KMT2E: variants seen among roughly 807,000 people sequenced by gnomAD.
The protein encoded by KMT2E is histone reader KMT2E.
KMT2E carries 30 observed loss-of-function variants against 184.6 expected under a neutral mutation model. The observed-to-expected ratio is 0.16, with a 90% confidence interval of 0.12 to 0.22. The LOEUF (loss-of-function observed/expected upper bound fraction) is 0.22, where lower values mean the gene tolerates loss of function less well. Among genes scored for constraint, KMT2E ranks in the 10% least tolerant of loss-of-function variants. The probability of loss-of-function intolerance (pLI) is 1.00; values close to 1 mark genes in which losing one functional copy is unlikely to be tolerated. For missense variants in KMT2E, 2,023 were observed against 2,237.4 expected, an observed-to-expected ratio of 0.90 and a Z score of 1.93; for synonymous variants, 815 against 776.5, an observed-to-expected ratio of 1.05 and a Z score of -0.82.
intron 3 of KMT2E, among the ~76,000 whole-genome samples, chr7:105,048,143 C>T (rs188203443): frequency 3.3e-5 from 5 of 152,230 alleles, no homozygotes; most frequent in African/African-American, 7.2e-5. Context: ...CCCAAGCAGT[C>T]GTCCTATCAC....
intron 11 of KMT2E, among the ~76,000 whole-genome samples, 158 bp from the exon 12 acceptor site, chr7:105,078,688 T>G (rs1797631986): frequency 1.7e-5 from 2 of 116,358 alleles, no homozygotes; most frequent in Non-Finnish European, 1.8e-5. Flanking sequence ...TTTTTTTTTT[T>G]GTAAATACGG....
intron 17 of KMT2E, chr7:105,102,706 C>G (rs1421777029): frequency 6.5e-6 from 1 of 153,920 alleles, no homozygotes; most frequent in East Asian, 1.9e-4. Context: ...TCAGAAATAA[C>G]AGAACATCCT....
At chr7:105,030,557 C>G (rs1251187296) in intron 1 of KMT2E, among the ~76,000 whole-genome samples, 1 of 152,118 alleles carries the variant, frequency 6.6e-6, no homozygotes, top group South Asian at 2.1e-4. Flanking sequence ...TTGAATAGGT[C>G]AAAGTTATGA....
At chr7:105,034,490 C>T (rs1442518254) in intron 1 of KMT2E, among the ~76,000 whole-genome samples, 1 of 152,218 alleles carries the variant, frequency 6.6e-6, no homozygotes, top group East Asian at 1.9e-4. Context: ...CCTCAGCCTC[C>T]CAAAGTGCTG....
At chr7:105,053,621 C>CAGTGGCT (rs1382422279) in intron 3 of KMT2E, among the ~76,000 whole-genome samples, 20 of 151,922 alleles carry the variant, frequency 1.3e-4, no homozygotes, top group African/African-American at 4.8e-4. Flanking sequence ...GCCTGTAATC[C>CAGTGGCT]CATCACTTTG....
intron 17 of KMT2E, 85 bp from the exon 18 acceptor site, chr7:105,105,354 C>A: frequency 2.1e-6 from 2 of 975,012 alleles, no homozygotes; most frequent in Non-Finnish European, 3.0e-6. Flanking sequence ...TTAGATAATA[C>A]ACCAATTTCA....
Position 105,111,703 on chromosome 7 carries a change from A to C in KMT2E, c.4069-122A>C, listed in dbSNP as rs185380022. Reference sequence around the variant, plus strand: ...CCAAGCCTCCATAATTGACGTATCCAGGATGTTATTTCCTGCCCCCCATTA... The same window carrying C: ...CCAAGCCTCCATAATTGACGTATCCCGGATGTTATTTCCTGCCCCCCATTA... On this transcript the variant is annotated intron_variant, in intron 26 of 26. Coordinates refer to ENST00000311117, the MANE Select transcript of KMT2E (RefSeq NM_182931.3). 666 of 1,152,428 alleles carry C rather than the reference A, an allele frequency of 5.8e-4. 4 individuals are homozygous for C. The highest frequency in any genetic ancestry group is 3.6e-4 in the East Asian group (14 of 39,010). 71.4% of individuals were successfully genotyped at this position (1,152,428 alleles called of 1,614,324 possible).
At chr7:105,088,788 G>A (rs1297869971) in intron 13 of KMT2E, among the ~76,000 whole-genome samples, 1 of 152,130 alleles carries the variant, frequency 6.6e-6, no homozygotes. Context: ...TGTAAAATGG[G>A]GGCAATATCC....
At chr7:105,109,625 G>C (rs1799096833) in intron 23 of KMT2E, among the ~76,000 whole-genome samples, 2 of 152,088 alleles carry the variant, frequency 1.3e-5, no homozygotes, top group Admixed American at 6.5e-5. Context: ...TTTGCTCCTT[G>C]GTCCCCTTTC....
chr7:105,076,831 C>G (rs1263425392), intron 9 of KMT2E, 132 bp from the exon 10 acceptor site: 10 of 674,256 alleles, frequency 1.5e-5, no homozygotes, highest in Non-Finnish European at 2.3e-5. Context: ...ACAGCAGTTT[C>G]TAGTTTATAT....
chr7:105,038,687 T>C (rs1301251514), intron 2 of KMT2E, among the ~76,000 whole-genome samples: 1 of 152,150 alleles, frequency 6.6e-6, no homozygotes, highest in Non-Finnish European at 1.5e-5. Flanking sequence ...TTAAACTCAC[T>C]GTGTTAAAGG....
chr7:105,015,971 T>TA (rs903608623), intron 1 of KMT2E, among the ~76,000 whole-genome samples: 10 of 151,500 alleles, frequency 6.6e-5, no homozygotes, highest in African/African-American at 1.9e-4. Flanking sequence ...GCTTCAACAT[T>TA]AAAAAAAAAT....
chr7:105,015,045 TGG>T (rs1028298238), intron 1 of KMT2E, among the ~76,000 whole-genome samples: 1 of 152,044 alleles, frequency 6.6e-6, no homozygotes, highest in African/African-American at 2.4e-5. Context: ...AAGAACGCCC[TGG>T]GCATCTCTCT....
chr7:105,063,684 A>C, intron 5 of KMT2E, 104 bp downstream of exon 5: 1 of 741,710 alleles, frequency 1.3e-6, no homozygotes, highest in South Asian at 2.0e-5. Flanking sequence ...TAATGGATAC[A>C]TATTTTAAGT....
At chr7:105,078,176 C>CA (rs1797609221) in intron 11 of KMT2E, among the ~76,000 whole-genome samples, 1 of 152,162 alleles carries the variant, frequency 6.6e-6, no homozygotes, top group Non-Finnish European at 1.5e-5. Flanking sequence ...CGGTATAAGA[C>CA]AGATACTTTT....
chr7:105,087,276 A>G (rs1001931979), intron 13 of KMT2E, among the ~76,000 whole-genome samples: 1 of 139,046 alleles, frequency 7.2e-6, no homozygotes, highest in Non-Finnish European at 1.5e-5. Context: ...TATATAATAT[A>G]TAAATATGAT....
intron 22 of KMT2E, 117 bp downstream of exon 22, chr7:105,108,042 T>TA: frequency 1.5e-6 from 1 of 676,360 alleles, no homozygotes; most frequent in Non-Finnish European, 2.2e-6. Context: ...TTATTAAAGT[T>TA]ACATTTTTAA....
intron 15 of KMT2E, among the ~76,000 whole-genome samples, chr7:105,095,769 T>C (rs1798384917): frequency 6.6e-6 from 1 of 152,190 alleles, no homozygotes; most frequent in Admixed American, 6.5e-5. Context: ...GTAGACTGTT[T>C]ATACTCACTA....
chr7:105,053,473 G>A (rs901234675), intron 3 of KMT2E, among the ~76,000 whole-genome samples: 1 of 151,898 alleles, frequency 6.6e-6, no homozygotes, highest in Non-Finnish European at 1.5e-5. Context: ...AAGAATTTAC[G>A]GACTTAAAAT....
Sources: gnomAD v4.1 joint callset for allele counts (sites outside exome capture counted in the v4.1 genomes callset) on GRCh38, gnomAD v4.1.1 for gene constraint, MANE v1.5 for transcripts, NCBI Gene and HGNC (gene_info 2026-07-23, HGNC 2026-07-21) for gene names.